The following DAB1 variants were observed in gnomAD, a reference collection of about 807,000 sequenced individuals.
DAB1 encodes the protein DAB adaptor protein 1.
In DAB1, 15 loss-of-function variants were observed where a neutral mutation model predicts 64.6. The ratio of observed to expected loss-of-function variants is 0.23; its 90% CI spans 0.16 to 0.36. The LOEUF (loss-of-function observed/expected upper bound fraction) is 0.36, where lower values mean the gene tolerates loss of function less well. Among genes scored for constraint, DAB1 ranks in the 10% least tolerant of loss-of-function variants. The pLI is 1.00. For synonymous variants in DAB1, 235 were observed against 251.9 expected (o/e 0.93, Z 0.64); for missense variants, 596 against 706.7 (o/e 0.84, Z 1.78).
chr1:57,037,096 G>T (rs1483304878), intron 9 of DAB1, among the ~76,000 whole-genome samples: 1 of 152,208 alleles, frequency 6.6e-6, no homozygotes, highest in Non-Finnish European at 1.5e-5. Flanking sequence ...GATTTGGATT[G>T]TACTGGTCTA....
chr1:57,578,572 T>A lies in DAB1; in HGVS notation n.625+71020A>T, dbSNP rs539737622. On this transcript the variant is annotated intron_variant and non_coding_transcript_variant, in intron 7 of 20. Transcript: ENST00000485760. Reference sequence around the variant, plus strand: ...GGGACATAGGACAAATCCCTTAACATCTCTGAATCTCAACTCATCTATCTG... The same window carrying A: ...GGGACATAGGACAAATCCCTTAACAACTCTGAATCTCAACTCATCTATCTG... 2.0e-5 allele frequency among the ~76,000 whole-genome samples: 3 copies of A among 152,340 alleles called. No individual in the cohort carries two copies. The South Asian group carries it at 6.2e-4, about 32-fold the overall frequency.
intron 3 of DAB1, among the ~76,000 whole-genome samples, chr1:58,485,748 T>C (rs1033555385): frequency 3.3e-5 from 5 of 152,204 alleles, no homozygotes; most frequent in Admixed American, 3.3e-4. Context: ...AGCTAGAATA[T>C]GTCTTTCCAC....
chr1:57,922,346 G>T (rs1310966065), intron 5 of DAB1, among the ~76,000 whole-genome samples: 1 of 151,906 alleles, frequency 6.6e-6, no homozygotes. Flanking sequence ...AGGATGTGTA[G>T]AAGAAATGAA....
intron 4 of DAB1, among the ~76,000 whole-genome samples, chr1:58,316,896 G>A (rs1336301168): frequency 1.3e-5 from 2 of 152,144 alleles, no homozygotes; most frequent in South Asian, 4.1e-4. Context: ...TCTATTCTGA[G>A]TTGTATGACA....
intron 1 of DAB1, among the ~76,000 whole-genome samples, chr1:57,415,860 CTA>C (rs1401213985): frequency 1.3e-5 from 2 of 152,128 alleles, no homozygotes; most frequent in Admixed American, 1.3e-4. Flanking sequence ...CAGCGTTTTT[CTA>C]TGTTTATGAT....
intron 6 of DAB1, among the ~76,000 whole-genome samples, chr1:57,660,562 C>T (rs1044453398): frequency 1.3e-5 from 2 of 152,196 alleles, no homozygotes; most frequent in Non-Finnish European, 2.9e-5. Flanking sequence ...TGATTGCTCC[C>T]AGGTGCCTAA....
chr1:57,688,463 G>T (rs2101709364), intron 6 of DAB1, among the ~76,000 whole-genome samples: 1 of 152,224 alleles, frequency 6.6e-6, no homozygotes, highest in Non-Finnish European at 1.5e-5. Flanking sequence ...ATACACTGTT[G>T]GTGGGAATGT....
chr1:57,847,705 T>G lies in DAB1; in HGVS notation n.88-21250A>C, dbSNP rs1383378885. ...AAACAATAAGAAATGAGCTGTTACATAATGTCAAAATATATAAAGAAAAAC... is the reference window on the plus strand; with the variant it reads ...AAACAATAAGAAATGAGCTGTTACAGAATGTCAAAATATATAAAGAAAAAC... On this transcript the variant is annotated intron_variant and non_coding_transcript_variant, in intron 1 of 1. Transcript: ENST00000477280. 2.6e-5 allele frequency among the ~76,000 whole-genome samples: 4 copies of G among 152,118 alleles called. No individual in the cohort carries two copies. The East Asian group carries it at 5.8e-4, about 22-fold the overall frequency.
At chr1:57,383,072 A>C (rs1290116541) in intron 1 of DAB1, among the ~76,000 whole-genome samples, 2 of 152,128 alleles carry the variant, frequency 1.3e-5, no homozygotes, top group Non-Finnish European at 2.9e-5. Context: ...GAGGGGAATA[A>C]AAGTGGCAGG....
At chr1:58,103,542 T>C (rs1170537005) in intron 5 of DAB1, among the ~76,000 whole-genome samples, 1 of 152,238 alleles carries the variant, frequency 6.6e-6, no homozygotes, top group Non-Finnish European at 1.5e-5. Flanking sequence ...TATGACTGAC[T>C]GATTTTCTTT....
intron 4 of DAB1, among the ~76,000 whole-genome samples, chr1:58,260,885 T>C (rs912806592): frequency 2.3e-4 from 35 of 152,138 alleles, no homozygotes; most frequent in African/African-American, 8.2e-4. Context: ...TCATTATCCC[T>C]TTGCTTCCCT....
intron 7 of DAB1, among the ~76,000 whole-genome samples, chr1:57,644,891 T>C (rs763673507): frequency 2.6e-5 from 4 of 152,110 alleles, no homozygotes; most frequent in Non-Finnish European, 4.4e-5. Flanking sequence ...TGAAATCCCA[T>C]GAGAATGAAT....
At chr1:57,810,751 A>G (rs892293509) in intron 6 of DAB1, among the ~76,000 whole-genome samples, 2 of 152,176 alleles carry the variant, frequency 1.3e-5, no homozygotes, top group African/African-American at 4.8e-5. Context: ...TCTCATACTG[A>G]AGTTGCCTGC....
At chr1:57,424,818 T>C (rs1404678234), upstream of DAB1, among the ~76,000 whole-genome samples, 1 of 152,086 alleles carries the variant, frequency 6.6e-6, no homozygotes, top group South Asian at 2.1e-4. Flanking sequence ...CAAGTTTCCG[T>C]CAGTCCTCAG....
At chr1:58,427,799 G>C (rs1266987311) in intron 3 of DAB1, among the ~76,000 whole-genome samples, 1 of 152,152 alleles carries the variant, frequency 6.6e-6, no homozygotes, top group Admixed American at 6.5e-5. Context: ...TAAATCTAGA[G>C]TTCAGGGGAG....
intron 7 of DAB1, among the ~76,000 whole-genome samples, chr1:57,576,932 C>T (rs1352331086): frequency 2.6e-5 from 4 of 152,216 alleles, no homozygotes; most frequent in Admixed American, 2.0e-4. Context: ...GGCTTATCTA[C>T]TGTGGCTGCT....
At chr1:57,622,730 G>A (rs180764077) in intron 7 of DAB1, among the ~76,000 whole-genome samples, 28 of 152,260 alleles carry the variant, frequency 1.8e-4, no homozygotes, top group Admixed American at 1.0e-3. Flanking sequence ...CTGCTCCATC[G>A]CTGCCTTTGT....
intron 5 of DAB1, among the ~76,000 whole-genome samples, chr1:58,038,533 G>A (rs574160399): frequency 2.6e-5 from 4 of 152,218 alleles, no homozygotes; most frequent in South Asian, 2.1e-4. Flanking sequence ...AGCCATGACC[G>A]TGGTTCTTCA....
chr1:57,788,624 CT>C (rs2101854665), intron 6 of DAB1, among the ~76,000 whole-genome samples: 1 of 152,250 alleles, frequency 6.6e-6, no homozygotes, highest in South Asian at 2.1e-4. Context: ...GAGAGAGTCT[CT>C]TTACTCAGGA....
Sources: gnomAD v4.1 joint callset for allele counts (sites outside exome capture counted in the v4.1 genomes callset) on GRCh38, gnomAD v4.1.1 for gene constraint, MANE v1.5 for transcripts, NCBI Gene and HGNC (gene_info 2026-07-23, HGNC 2026-07-21) for gene names.